The following SLCO1B1 variants were observed in gnomAD, a reference collection of about 807,000 sequenced individuals.
The protein encoded by SLCO1B1 is solute carrier organic anion transporter family member 1B1.
SLCO1B1 carries 81 observed loss-of-function variants against 70.1 expected under a neutral mutation model. That is an observed-to-expected ratio of 1.16 (90% CI 0.97 to 1.39). The LOEUF is 1.39. Among genes scored for constraint, SLCO1B1 ranks in the 40% most tolerant of loss-of-function variants. The pLI is 0.00. For missense variants in SLCO1B1, 895 were observed against 799.6 expected, an observed-to-expected ratio of 1.12 and a Z score of -1.44; for synonymous variants, 283 against 271.5, an observed-to-expected ratio of 1.04 and a Z score of -0.42.
intron 11 of SLCO1B1, among the ~76,000 whole-genome samples, chr12:21,213,401 C>A (rs1201185737): frequency 8.6e-5 from 13 of 151,876 alleles, no homozygotes; most frequent in Admixed American, 7.9e-4. Flanking sequence ...CCCCCACTCT[C>A]TTCTGGCTTA....
chr12:21,174,050 C>T (rs916855409), intron 3 of SLCO1B1, among the ~76,000 whole-genome samples: 1 of 152,030 alleles, frequency 6.6e-6, no homozygotes, highest in Admixed American at 6.6e-5. Flanking sequence ...AGCCACCATG[C>T]CTGGCCTCTG....
intron 10 of SLCO1B1, among the ~76,000 whole-genome samples, chr12:21,202,890 G>A (rs1039857166): frequency 3.3e-5 from 5 of 151,972 alleles, no homozygotes; most frequent in East Asian, 1.9e-4. Flanking sequence ...AGCAACATAG[G>A]TTGTAATAAT....
chr12:21,219,848 G>A (rs200875682), intron 12 of SLCO1B1, among the ~76,000 whole-genome samples: 13,539 of 151,882 alleles, frequency 0.089, 905 homozygotes, highest in East Asian at 0.28. Context: ...GCAACCCTCC[G>A]CCTCCCAGGT....
In SLCO1B1 at chr12:21,192,972, GAA is replaced by G. The variant is rs959228950; in HGVS notation, c.728-3971_728-3970del. ...TGATTTCTTTGACAATTTAATTATT[GAA>G]AAGTTTGTTAGTATCCATATTTTTA... On this transcript the variant is annotated intron_variant, in intron 7 of 14. Transcript: ENST00000256958. 1.3e-3 allele frequency among the ~76,000 whole-genome samples: 193 copies of G among 151,686 alleles called. 1 individual carries two copies. The highest frequency in any genetic ancestry group is 4.6e-3 in the African/African-American group (189 of 41,386).
chr12:21,135,412 C>A lies in SLCO1B1; in HGVS notation c.-62+4176C>A, dbSNP rs189725508. ...CTTGTTAACTTTCTGTCTCATTGAT[C>A]TGTCTAATGTTGACAGTGGGGTGTT... On this transcript the variant is annotated intron_variant, in intron 1 of 14. Transcript: ENST00000256958. Among the ~76,000 whole-genome samples the A allele has an allele frequency of 3.6e-3, 544 of 152,242 alleles. 2 individuals are homozygous for A. The highest frequency in any genetic ancestry group is 0.014 in the South Asian group (65 of 4,812).
At chr12:21,133,296 G>A (rs1940168088) in intron 1 of SLCO1B1, among the ~76,000 whole-genome samples, 1 of 152,126 alleles carries the variant, frequency 6.6e-6, no homozygotes, top group African/African-American at 2.4e-5. Context: ...TTTTCGCTTA[G>A]GATTGACTTG....
chr12:21,178,571 C>A lies in SLCO1B1; in HGVS notation c.482-5C>A, dbSNP rs1166891524. The A allele has an allele frequency of 1.3e-6, 2 of 1,592,182 alleles. No homozygotes were observed. Among genetic ancestry groups the A allele is most frequent in the Non-Finnish European group, 8.6e-7 (1 of 1,160,494 alleles). ...TTAAAATGAAACACTCTCTTATCTA[C>A]ATAGGTTGTTTAAAGGAATCTGGGT... On this transcript the variant is annotated splice_polypyrimidine_tract_variant and splice_region_variant and intron_variant, in intron 5 of 14. Coordinates refer to ENST00000256958, the MANE Select transcript of SLCO1B1 (RefSeq NM_006446.5).
intron 10 of SLCO1B1, among the ~76,000 whole-genome samples, chr12:21,203,701 G>C (rs908716452): frequency 6.6e-6 from 1 of 152,064 alleles, no homozygotes; most frequent in Admixed American, 6.6e-5. Flanking sequence ...ATCAACTACT[G>C]TAGTAAATTA....
intron 7 of SLCO1B1, among the ~76,000 whole-genome samples, chr12:21,188,710 T>C (rs1028376691): frequency 2.6e-5 from 4 of 152,102 alleles, no homozygotes; most frequent in Admixed American, 2.6e-4. Context: ...CCTCTCTTCT[T>C]CCTGTAGAGA....
intron 2 of SLCO1B1, among the ~76,000 whole-genome samples, chr12:21,155,308 AT>A (rs1486353055): frequency 6.6e-6 from 1 of 151,808 alleles, no homozygotes; most frequent in Non-Finnish European, 1.5e-5. Flanking sequence ...TTATTTTCCA[AT>A]TCTTTCTTGT....
At chr12:21,133,347 A>G (rs1468555894) in intron 1 of SLCO1B1, among the ~76,000 whole-genome samples, 1 of 152,152 alleles carries the variant, frequency 6.6e-6, no homozygotes, top group African/African-American at 2.4e-5. Flanking sequence ...ACTTTAAAGT[A>G]GTTTTTTCCA....
chr12:21,228,238 T>C (rs1449651620), intron 14 of SLCO1B1, among the ~76,000 whole-genome samples: 1 of 152,176 alleles, frequency 6.6e-6, no homozygotes, highest in Non-Finnish European at 1.5e-5. Context: ...CAGTGAGCTC[T>C]TTAGTGGCAA....
At chr12:21,169,837 T>C (rs1053031169) in intron 2 of SLCO1B1, among the ~76,000 whole-genome samples, 5 of 152,210 alleles carry the variant, frequency 3.3e-5, no homozygotes, top group Non-Finnish European at 7.3e-5. Context: ...AAAAAATCAG[T>C]CAACTCTCCC....
intron 14 of SLCO1B1, among the ~76,000 whole-genome samples, chr12:21,232,594 C>T (rs965828640): frequency 6.6e-6 from 1 of 152,116 alleles, no homozygotes; most frequent in Non-Finnish European, 1.5e-5. Context: ...CAGAACAACA[C>T]TAAAAGACAA....
At chr12:21,188,663 T>G (rs2121125176) in intron 7 of SLCO1B1, among the ~76,000 whole-genome samples, 1 of 152,234 alleles carries the variant, frequency 6.6e-6, no homozygotes, top group Admixed American at 6.5e-5. Flanking sequence ...TGAATTCTCA[T>G]GAGATTTATT....
At chr12:21,207,311 C>CTGTAATATG (rs1446193629) in intron 11 of SLCO1B1, among the ~76,000 whole-genome samples, 9 of 151,818 alleles carry the variant, frequency 5.9e-5, no homozygotes, top group African/African-American at 1.2e-4. Context: ...CTCTAGTAGT[C>CTGTAATATG]TGTAATATGT....
At position 21,141,617 on chromosome 12, in the gene SLCO1B1, C is replaced by T. The variant is rs1940309779; in HGVS notation, c.43C>T (p.Pro15Ser). The stretch of plus-strand genomic sequence containing the variant: ...TTTGAATAAAACAGCAGAGGCACAA[C>T]CTTCAGAGAATAAGAAAACAAGATA... Reference protein sequence around the residue: ...QHLNKTAEAQPSENKKTRYCN... With the variant: ...QHLNKTAEAQSSENKKTRYCN... The change falls in exon 2 of 15, where the codon CCT becomes TCT. Residue 15 changes from proline to serine, a missense_variant. Transcript: ENST00000256958. 4 of 1,608,570 alleles carry T rather than the reference C, an allele frequency of 2.5e-6. No individual in the cohort carries two copies. Among genetic ancestry groups the T allele is most frequent in the Middle Eastern group, 1.7e-4 (1 of 6,050 alleles).
Position 21,201,389 on chromosome 12 carries a change from G to A in SLCO1B1, c.1135+717G>A, listed in dbSNP as rs565874192. 1.4e-4 allele frequency among the ~76,000 whole-genome samples: 22 copies of A among 152,062 alleles called. No individual in the cohort carries two copies. In the East Asian group the frequency reaches 2.5e-3, roughly 17 times the overall value. On this transcript the variant is annotated intron_variant, in intron 9 of 14. Transcript: ENST00000256958. Reference sequence around the variant, plus strand: ...GATCTTAAGATAAAAGTTTAAAATCGAAAAATAATGTTTTGACTCCCAGTA... The same window carrying A: ...GATCTTAAGATAAAAGTTTAAAATCAAAAAATAATGTTTTGACTCCCAGTA...
In SLCO1B1 at chr12:21,132,078, C is replaced by T. The variant is rs957369273; in HGVS notation, c.-62+842C>T. Among the ~76,000 whole-genome samples, 4 of 152,168 alleles carry T rather than the reference C, an allele frequency of 2.6e-5. No individual in the cohort carries two copies. The East Asian group carries it at 5.8e-4, about 22-fold the overall frequency. On this transcript the variant is annotated intron_variant, in intron 1 of 14. Coordinates refer to ENST00000256958, the MANE Select transcript of SLCO1B1 (RefSeq NM_006446.5). ...TTCAGTTCCCACCTATGAGTGAGAA[C>T]ATGCGGTGTTTGGTTTTTTGTCCTT...
Sources: allele counts gnomAD v4.1 joint callset (sites outside exome capture counted in the v4.1 genomes callset), GRCh38; gene constraint gnomAD v4.1.1; transcripts MANE v1.5; gene names NCBI Gene and HGNC (gene_info 2026-07-23, HGNC 2026-07-21).